CRB1: variants seen among roughly 807,000 people sequenced by gnomAD.
CRB1 encodes the protein protein crumbs homolog 1.
Under a neutral mutation model 120.0 loss-of-function variants are expected in CRB1, and 83 were observed. The observed-to-expected ratio is 0.69, with a 90% confidence interval of 0.58 to 0.83. The LOEUF is 0.83. Among genes scored for constraint, CRB1 ranks in the 40% least tolerant of loss-of-function variants. The pLI is 0.00. For synonymous variants in CRB1, 625 were observed against 612.5 expected (o/e 1.02, Z -0.30); for missense variants, 1,699 against 1,687.6 (o/e 1.01, Z -0.12).
Position 197,424,059 on chromosome 1 carries a change from A to G in CRB1, c.2128+2103A>G, listed in dbSNP as rs555863302. On this transcript the variant is annotated intron_variant, in intron 6 of 11. Coordinates refer to ENST00000367400, the MANE Select transcript of CRB1 (RefSeq NM_201253.3). The stretch of plus-strand genomic sequence containing the variant: ...CATTTGACTTACAAAAGCAATTTAC[A>G]TATCTCTTCTTTTCAGCCATATACC... Among the ~76,000 whole-genome samples, 10 of 152,296 alleles carry G rather than the reference A, an allele frequency of 6.6e-5. No homozygotes were observed. In the South Asian group the frequency reaches 1.9e-3, roughly 28 times the overall value.
chr1:197,432,133 C>A (rs1664897487), intron 8 of CRB1, among the ~76,000 whole-genome samples: 2 of 151,976 alleles, frequency 1.3e-5, no homozygotes, highest in South Asian at 2.1e-4. Flanking sequence ...AGGTGAAGTA[C>A]AAAAGTGATT....
intron 1 of CRB1, among the ~76,000 whole-genome samples, chr1:197,310,217 C>G (rs960741878): frequency 2.6e-5 from 4 of 152,044 alleles, no homozygotes; most frequent in South Asian, 2.1e-4. Context: ...GAGGATCCTG[C>G]CCTTGAGACT....
chr1:197,394,818 G>A (rs10922215), intron 5 of CRB1, among the ~76,000 whole-genome samples: 39,661 of 151,848 alleles, frequency 0.26, 5,507 homozygotes, highest in Middle Eastern at 0.38. Flanking sequence ...TTTTTATTCA[G>A]CAGGGAGTCT....
At chr1:197,386,898 G>T (rs1242365965) in intron 5 of CRB1, among the ~76,000 whole-genome samples, 1 of 152,080 alleles carries the variant, frequency 6.6e-6, no homozygotes, top group Non-Finnish European at 1.5e-5. Flanking sequence ...ATTATAAAAA[G>T]CAATTCCATA....
the CRB1 span, among the ~76,000 whole-genome samples, chr1:197,213,147 C>A: frequency 6.6e-6 from 1 of 152,066 alleles, no homozygotes; most frequent in Non-Finnish European, 1.5e-5. Flanking sequence ...GTTAAATCAA[C>A]CATATAAAAA....
chr1:197,433,253 A>C (rs945378217), intron 8 of CRB1, among the ~76,000 whole-genome samples: 19 of 152,042 alleles, frequency 1.2e-4, no homozygotes, highest in Non-Finnish European at 2.5e-4. Flanking sequence ...TAACTAATGG[A>C]GCTTGACTAA....
intron 4 of CRB1, among the ~76,000 whole-genome samples, chr1:197,351,364 CAAAA>C (rs35672792): frequency 4.6e-5 from 4 of 86,048 alleles, no homozygotes; most frequent in African/African-American, 5.1e-5. Context: ...TGAGACTTGG[CAAAA>C]AAAAAAAAAA....
chr1:197,435,993 C>T (rs575805358), intron 9 of CRB1, among the ~76,000 whole-genome samples: 1 of 152,134 alleles, frequency 6.6e-6, no homozygotes, highest in South Asian at 2.1e-4. Context: ...TAAAATAATG[C>T]CTTGAGCTAT....
chr1:197,233,055 T>G, the CRB1 span, among the ~76,000 whole-genome samples: 1 of 152,160 alleles, frequency 6.6e-6, no homozygotes, highest in African/African-American at 2.4e-5. Context: ...CTTTGGTTCT[T>G]TGGCCTGGGA....
At chr1:197,287,384 A>G (rs1655887476) in intron 1 of CRB1, among the ~76,000 whole-genome samples, 1 of 151,876 alleles carries the variant, frequency 6.6e-6, no homozygotes, top group South Asian at 2.1e-4. Context: ...GAATGTTTCA[A>G]TTACAAAAGG....
chr1:197,450,124 A>G (rs1436203569), intron 11 of CRB1, among the ~76,000 whole-genome samples: 1 of 152,140 alleles, frequency 6.6e-6, no homozygotes. Flanking sequence ...GTGCCCTCAG[A>G]TTGTTGTTTT....
At chr1:197,399,489 G>A (rs1005849677) in intron 5 of CRB1, among the ~76,000 whole-genome samples, 51 of 152,086 alleles carry the variant, frequency 3.4e-4, no homozygotes, top group African/African-American at 1.1e-3. Context: ...TGGTTAAATC[G>A]TTCAATCTCT....
Position 197,429,444 on chromosome 1 carries a change from C to T in CRB1, c.2677-5C>T. On this transcript the variant is annotated splice_polypyrimidine_tract_variant and splice_region_variant and intron_variant, in intron 7 of 11. Coordinates refer to ENST00000367400, the MANE Select transcript of CRB1 (RefSeq NM_201253.3). The stretch of plus-strand genomic sequence containing the variant: ...TTTTATACCTTTGATTTCTTTTCTG[C>T]TCAGTCCAACCCCTGTCACAATGGA... 3.1e-6 allele frequency: 5 copies of T among 1,613,922 alleles called. 1 individual carries two copies. The South Asian group carries it at 4.4e-5, about 14-fold the overall frequency.
chr1:197,384,501 T>C (rs1326359828), intron 5 of CRB1, among the ~76,000 whole-genome samples: 1 of 152,172 alleles, frequency 6.6e-6, no homozygotes, highest in African/African-American at 2.4e-5. Flanking sequence ...CTTGTCTTAA[T>C]TCTAAGCTGA....
intron 5 of CRB1, among the ~76,000 whole-genome samples, chr1:197,376,771 T>C (rs1661669514): frequency 6.6e-6 from 1 of 152,138 alleles, no homozygotes; most frequent in Non-Finnish European, 1.5e-5. Context: ...ATGCATCAGA[T>C]CATGTGAGTC....
chr1:197,456,479 A>G (rs1171870972), intron 11 of CRB1, among the ~76,000 whole-genome samples: 6 of 152,114 alleles, frequency 3.9e-5, no homozygotes, highest in Non-Finnish European at 1.5e-5. Flanking sequence ...TAAGTACAAA[A>G]TTGTCCCATT....
the CRB1 span, among the ~76,000 whole-genome samples, chr1:197,261,604 G>C: frequency 2.0e-5 from 3 of 152,150 alleles, no homozygotes. Context: ...CTGTAGCATA[G>C]AGTGGTATAA....
the CRB1 span, among the ~76,000 whole-genome samples, chr1:197,204,777 A>G: frequency 6.6e-6 from 1 of 152,160 alleles, no homozygotes; most frequent in African/African-American, 2.4e-5. Flanking sequence ...TTGTAGTTTA[A>G]TTAAACCCCA....
At chr1:197,408,164 T>G (rs998952103) in intron 5 of CRB1, among the ~76,000 whole-genome samples, 2 of 152,104 alleles carry the variant, frequency 1.3e-5, no homozygotes, top group African/African-American at 4.8e-5. Flanking sequence ...GGGTTCCATA[T>G]GGATAAGCTC....
Sources: allele counts gnomAD v4.1 joint callset (sites outside exome capture counted in the v4.1 genomes callset), GRCh38; gene constraint gnomAD v4.1.1; transcripts MANE v1.5; gene names NCBI Gene and HGNC (gene_info 2026-07-23, HGNC 2026-07-21).